The following CPVL variants were observed in gnomAD, a reference collection of about 807,000 sequenced individuals.
CPVL encodes carboxypeptidase vitellogenic like, also known as probable serine carboxypeptidase CPVL.
CPVL carries 51 observed loss-of-function variants against 63.7 expected under a neutral mutation model. The observed-to-expected ratio is 0.80, with a 90% CI of 0.64 to 1.01. The LOEUF is 1.01. Ranked by LOEUF, CPVL falls within the 50% of genes least tolerant of loss-of-function variation. The pLI is 0.00. For missense variants in CPVL, 530 were observed against 573.1 expected (o/e 0.92, Z 0.77); for synonymous variants, 195 against 206.0 (o/e 0.95, Z 0.46).
chr7:29,029,964 A>T (rs1181816571), intron 12 of CPVL, among the ~76,000 whole-genome samples: 1 of 152,234 alleles, frequency 6.6e-6, no homozygotes, highest in Non-Finnish European at 1.5e-5. Context: ...TCCCTCAAAC[A>T]AATCTCCAAG....
intron 3 of CPVL, among the ~76,000 whole-genome samples, chr7:29,098,361 G>A (rs554190453): frequency 5.3e-5 from 8 of 152,262 alleles, no homozygotes; most frequent in African/African-American, 1.7e-4. Flanking sequence ...TTTGGAAAGG[G>A]GCCCAGGGGG....
In CPVL at chr7:29,106,005, C is replaced by T. The variant is rs1787681245; in HGVS notation, c.288+6699G>A. Among the ~76,000 whole-genome samples, 3 of 152,300 alleles carry T rather than the reference C, an allele frequency of 2.0e-5. No homozygotes were observed. The South Asian group carries it at 6.2e-4, about 32-fold the overall frequency. The stretch of plus-strand genomic sequence containing the variant: ...CATAAGTTAGGGAGGGGACCCTTCC[C>T]AAGGCTGCTGTCCAGACCTCGGTGG... On this transcript the variant is annotated intron_variant, in intron 3 of 12. Transcript: ENST00000265394.
intron 1 of CPVL, among the ~76,000 whole-genome samples, chr7:29,144,470 A>G (rs1285679110): frequency 6.6e-6 from 1 of 152,186 alleles, no homozygotes; most frequent in Non-Finnish European, 1.5e-5. Flanking sequence ...CTGAGGCACA[A>G]GAATCCCTTG....
rs1167275895 is a variant in CPVL, at chr7:29,120,965, T to C, written c.97A>G (p.Met33Val). 3 of 1,613,862 alleles carry C rather than the reference T, an allele frequency of 1.9e-6. No individual in the cohort carries two copies. The highest frequency in any genetic ancestry group is 2.5e-6 in the Non-Finnish European group (3 of 1,179,970). The change falls in exon 2 of 13, where the codon ATG becomes GTG. Residue 33 changes from methionine to valine, a missense_variant. Physicochemically the swap from Met to Val is conservative, Grantham distance 21. Coordinates refer to ENST00000265394, the MANE Select transcript of CPVL (RefSeq NM_031311.5). ...LFRSLYRSVSMPPKGDSGQPL... is the reference protein window; with the variant it reads ...LFRSLYRSVSVPPKGDSGQPL... Reference sequence around the variant, plus strand: ...TGTCCTGAGTCTCCCTTAGGTGGCATGGAAACACTTCTGTATAGGGAGCGA... The same window carrying C: ...TGTCCTGAGTCTCCCTTAGGTGGCACGGAAACACTTCTGTATAGGGAGCGA...
intron 2 of CPVL, among the ~76,000 whole-genome samples, chr7:29,113,957 A>C (rs977990411): frequency 6.6e-6 from 1 of 152,184 alleles, no homozygotes. Flanking sequence ...TGTAAGTCTG[A>C]GCCATATTAA....
intron 6 of CPVL, among the ~76,000 whole-genome samples, chr7:29,086,941 TACCAACCCCCACTGTGG>T (rs781727503): frequency 3.3e-5 from 5 of 152,142 alleles, no homozygotes; most frequent in Non-Finnish European, 7.3e-5. Flanking sequence ...CTTAGTTGCT[TACCAACCCCCACTGTGG>T]GGGACTCTGA....
intron 2 of CPVL, among the ~76,000 whole-genome samples, chr7:29,116,544 T>C (rs1452799302): frequency 1.3e-5 from 2 of 152,252 alleles, no homozygotes; most frequent in Non-Finnish European, 2.9e-5. Context: ...ATGTTTGTGA[T>C]ATTAACACTT....
chr7:29,103,873 G>A (rs1361988515), intron 3 of CPVL, among the ~76,000 whole-genome samples: 3 of 152,110 alleles, frequency 2.0e-5, no homozygotes, highest in Non-Finnish European at 2.9e-5. Context: ...TCATTTGCTT[G>A]GTTTAAGTAA....
chr7:29,015,725 G>A (rs748222293), intron 12 of CPVL, among the ~76,000 whole-genome samples: 42 of 152,134 alleles, frequency 2.8e-4, no homozygotes, highest in Admixed American at 2.0e-4. Flanking sequence ...CCTAGATCCG[G>A]CTACAGTTCA....
intron 11 of CPVL, among the ~76,000 whole-genome samples, chr7:29,051,914 A>T (rs1790201665): frequency 7.5e-6 from 1 of 132,644 alleles, no homozygotes; most frequent in Non-Finnish European, 1.7e-5. Context: ...ATATATATAT[A>T]TTCCACATAT....
chr7:29,060,357 A>G, intron 11 of CPVL, among the ~76,000 whole-genome samples: 1 of 152,210 alleles, frequency 6.6e-6, no homozygotes, highest in African/African-American at 2.4e-5. Context: ...GACTGGTGTA[A>G]CCAGAGCTCA....
intron 11 of CPVL, among the ~76,000 whole-genome samples, chr7:29,040,075 CA>C (rs34532752): frequency 4.7e-5 from 7 of 150,088 alleles, no homozygotes; most frequent in Non-Finnish European, 1.0e-4. Flanking sequence ...TTCACTAATC[CA>C]AAAAAAAAAT....
intron 11 of CPVL, among the ~76,000 whole-genome samples, chr7:29,051,112 T>A (rs959561500): frequency 2.0e-5 from 3 of 152,124 alleles, no homozygotes; most frequent in African/African-American, 7.2e-5. Context: ...CAAGATTGAT[T>A]AAGGACTTAA....
chr7:29,175,428 G>A lies in CPVL; in HGVS notation c.-11+5862C>T, dbSNP rs547377353. 1.4e-4 allele frequency among the ~76,000 whole-genome samples: 22 copies of A among 151,966 alleles called. No individual in the cohort carries two copies. The East Asian group carries it at 2.5e-3, about 17-fold the overall frequency. ...AGACTTCGGGTTTTCTGCCCGCCTC[G>A]GCCTCCCAAAGTGCTGGGATTACAG... is the stretch of plus-strand genomic sequence containing the variant. On this transcript the variant is annotated intron_variant, in intron 5 of 16. Coordinates refer to the CPVL transcript ENST00000409850.
chr7:29,148,199 A>G (rs1373026729), upstream of CPVL, among the ~76,000 whole-genome samples: 3 of 152,228 alleles, frequency 2.0e-5, no homozygotes, highest in Admixed American at 6.5e-5. Flanking sequence ...TTTGCCTTCT[A>G]AAGTGTGGGC....
At chr7:29,044,586 G>A (rs558170936) in intron 11 of CPVL, among the ~76,000 whole-genome samples, 43 of 152,154 alleles carry the variant, frequency 2.8e-4, no homozygotes, top group Non-Finnish European at 4.9e-4. Flanking sequence ...AAACATCTAC[G>A]TCGACTTTTT....
At chr7:29,130,425 T>G (rs1031171702) in intron 1 of CPVL, among the ~76,000 whole-genome samples, 3 of 152,242 alleles carry the variant, frequency 2.0e-5, no homozygotes, top group Non-Finnish European at 4.4e-5. Flanking sequence ...TCTGTCTATA[T>G]TAACAGATTT....
chr7:29,064,862 T>C (rs1782986751), intron 10 of CPVL, among the ~76,000 whole-genome samples: 1 of 152,048 alleles, frequency 6.6e-6, no homozygotes, highest in Non-Finnish European at 1.5e-5. Context: ...TATACATATG[T>C]AACAAACCTG....
chr7:29,013,131 G>GAA (rs1389274405), intron 12 of CPVL: 2 of 152,192 alleles, frequency 1.3e-5, no homozygotes, highest in Non-Finnish European at 2.9e-5. Flanking sequence ...TTTCCATTTG[G>GAA]AACACCAGCC....
Sources: allele counts gnomAD v4.1 joint callset (sites outside exome capture counted in the v4.1 genomes callset), GRCh38; gene constraint gnomAD v4.1.1; transcripts MANE v1.5; gene names NCBI Gene and HGNC (gene_info 2026-07-23, HGNC 2026-07-21).